Variants in RBFOX1 observed in about 807,000 individuals in gnomAD.
RBFOX1 encodes the protein RNA binding protein fox-1 homolog 1.
RBFOX1 carries 8 observed loss-of-function variants against 57.7 expected under a neutral mutation model. That is an observed-to-expected ratio of 0.14 (90% CI 0.08 to 0.25). The LOEUF is 0.25. RBFOX1 is among the 10% of genes least tolerant of loss of function. RBFOX1 has a pLI of 1.00. For synonymous variants in RBFOX1, 326 were observed against 222.4 expected (o/e 1.47, Z -4.15); for missense variants, 611 against 548.5 (o/e 1.11, Z -1.14).
intron 1 of RBFOX1, among the ~76,000 whole-genome samples, chr16:6,059,968 G>A (rs1596820298): frequency 6.6e-6 from 1 of 151,996 alleles, no homozygotes; most frequent in South Asian, 2.1e-4. Flanking sequence ...AGGACATTCT[G>A]GCTCAGGAAG....
At chr16:6,928,301 G>C (rs1218022763) in intron 3 of RBFOX1, among the ~76,000 whole-genome samples, 1 of 152,176 alleles carries the variant, frequency 6.6e-6, no homozygotes, top group Non-Finnish European at 1.5e-5. Context: ...TGAACCATCA[G>C]ATCAGGGACA....
chr16:6,039,347 GA>G (rs58081772), intron 1 of RBFOX1, among the ~76,000 whole-genome samples: 37,457 of 136,108 alleles, frequency 0.28, 5,391 homozygotes, highest in Middle Eastern at 0.4. Flanking sequence ...CTGCTTTCTG[GA>G]AAAAAAAAAA....
chr16:6,355,006 C>T (rs1305215627), intron 2 of RBFOX1, among the ~76,000 whole-genome samples: 1 of 152,128 alleles, frequency 6.6e-6, no homozygotes, highest in Non-Finnish European at 1.5e-5. Flanking sequence ...CCTCTGACAG[C>T]CCAGAGGACA....
chr16:7,036,317 A>C (rs1052132089), intron 3 of RBFOX1, among the ~76,000 whole-genome samples: 1 of 152,134 alleles, frequency 6.6e-6, no homozygotes, highest in Non-Finnish European at 1.5e-5. Flanking sequence ...TTTCAGAAGC[A>C]GTAGCCAATT....
intron 1 of RBFOX1, among the ~76,000 whole-genome samples, chr16:5,281,062 G>A (rs2063260412): frequency 6.6e-6 from 1 of 151,870 alleles, no homozygotes. Flanking sequence ...TTTTGGTGTA[G>A]GCATTTATTG....
At chr16:5,723,894 T>G (rs770520346) in intron 3 of RBFOX1, among the ~76,000 whole-genome samples, 3 of 152,232 alleles carry the variant, frequency 2.0e-5, no homozygotes. Flanking sequence ...CATGGGCATC[T>G]CTTTAAAGAG....
chr16:7,561,676 T>C (rs141755821), intron 5 of RBFOX1, among the ~76,000 whole-genome samples: 5 of 152,334 alleles, frequency 3.3e-5, no homozygotes, highest in African/African-American at 1.2e-4. Context: ...CTTGTCTCTT[T>C]GTTTGAAGCA....
chr16:5,273,035 A>G (rs1373320904), intron 1 of RBFOX1, among the ~76,000 whole-genome samples: 2 of 152,150 alleles, frequency 1.3e-5, no homozygotes, highest in Non-Finnish European at 2.9e-5. Context: ...TGCTGGTGGC[A>G]GTGGGCTGGG....
chr16:6,556,186 A>G (rs947364628), intron 2 of RBFOX1, among the ~76,000 whole-genome samples: 8 of 152,148 alleles, frequency 5.3e-5, no homozygotes. Flanking sequence ...GGCGGCATTG[A>G]CTTCCCGCTG....
intron 2 of RBFOX1, among the ~76,000 whole-genome samples, chr16:6,459,765 T>C (rs1006140207): frequency 2.0e-5 from 3 of 151,554 alleles, no homozygotes; most frequent in Admixed American, 1.3e-4. Context: ...TCACCTGAGA[T>C]TGGGAGTTTG....
At chr16:6,763,169 C>CT (rs1300221221) in intron 3 of RBFOX1, among the ~76,000 whole-genome samples, 1 of 152,222 alleles carries the variant, frequency 6.6e-6, no homozygotes, top group Non-Finnish European at 1.5e-5. Context: ...TTTATCTTTG[C>CT]TAACCTAATG....
chr16:6,682,042 G>C (rs1168873864), intron 3 of RBFOX1, among the ~76,000 whole-genome samples: 1 of 152,122 alleles, frequency 6.6e-6, no homozygotes, highest in Non-Finnish European at 1.5e-5. Flanking sequence ...AGAACTCTTT[G>C]CTCATATCTA....
At chr16:6,650,345 C>A (rs901245166) in intron 2 of RBFOX1, among the ~76,000 whole-genome samples, 11 of 151,936 alleles carry the variant, frequency 7.2e-5, no homozygotes, top group African/African-American at 2.4e-4. Context: ...AGAATGAAAC[C>A]TGTGGATAAA....
Position 7,488,136 on chromosome 16 carries a change from G to C in RBFOX1, c.28-30011G>C, listed in dbSNP as rs550045772. Among the ~76,000 whole-genome samples, 268 of 152,208 alleles carry C rather than the reference G, an allele frequency of 1.8e-3. 2 individuals carry two copies. The highest frequency in any genetic ancestry group is 3.0e-3 in the Non-Finnish European group (204 of 68,008). ...GTGCTAATCCTCTTGCCGTGCTAGT[G>C]TGTCCCTGCGTGATTGTGATTGATG... On this transcript the variant is annotated intron_variant, in intron 4 of 15. Coordinates refer to ENST00000550418, the MANE Select transcript of RBFOX1 (RefSeq NM_018723.4).
At chr16:7,218,275 A>G (rs917310119) in intron 4 of RBFOX1, among the ~76,000 whole-genome samples, 24 of 152,274 alleles carry the variant, frequency 1.6e-4, no homozygotes, top group African/African-American at 4.6e-4. Context: ...CCTCTCAAAG[A>G]TGTAGATGGT....
chr16:5,334,689 C>A (rs375637961), intron 1 of RBFOX1, among the ~76,000 whole-genome samples: 7 of 151,868 alleles, frequency 4.6e-5, no homozygotes, highest in Middle Eastern at 3.4e-3. Context: ...AAATACAAAA[C>A]GATTGTTCTC....
chr16:6,264,326 C>G (rs537401116), intron 1 of RBFOX1, among the ~76,000 whole-genome samples: 68 of 152,324 alleles, frequency 4.5e-4, no homozygotes, highest in African/African-American at 1.6e-3. Context: ...GCTTGACTTT[C>G]TCCCAGTGAA....
At chr16:7,502,373 G>A (rs1315783019) in intron 4 of RBFOX1, among the ~76,000 whole-genome samples, 2 of 152,118 alleles carry the variant, frequency 1.3e-5, no homozygotes, top group Non-Finnish European at 2.9e-5. Context: ...TAAGAAAATC[G>A]AATAATTAAA....
chr16:5,515,162 A>G (rs74004359), intron 2 of RBFOX1, among the ~76,000 whole-genome samples: 1,990 of 152,348 alleles, frequency 0.013, 53 homozygotes, highest in African/African-American at 0.046. Context: ...TCCCACTTCA[A>G]TACCGGGGAT....
Sources: gnomAD v4.1 joint callset for allele counts (sites outside exome capture counted in the v4.1 genomes callset) on GRCh38, gnomAD v4.1.1 for gene constraint, MANE v1.5 for transcripts, NCBI Gene and HGNC (gene_info 2026-07-23, HGNC 2026-07-21) for gene names.